The following LRMDA variants were observed in gnomAD, a reference collection of about 807,000 sequenced individuals.
The protein encoded by LRMDA is leucine rich melanocyte differentiation associated.
A neutral mutation model predicts 29.8 loss-of-function variants in LRMDA; 18 were observed. That is an observed-to-expected ratio of 0.60 (90% CI 0.42 to 0.90). The LOEUF (loss-of-function observed/expected upper bound fraction) is 0.90, where lower values mean the gene tolerates loss of function less well. LRMDA is among the 40% of genes least tolerant of loss of function. The pLI is 0.00. For missense variants in LRMDA, 273 were observed against 273.9 expected, an observed-to-expected ratio of 1.00 and a Z score of 0.02; for synonymous variants, 125 against 109.4, an observed-to-expected ratio of 1.14 and a Z score of -0.89.
At chr10:76,293,350 A>T (rs1282168197) in intron 5 of LRMDA, among the ~76,000 whole-genome samples, 3 of 152,198 alleles carry the variant, frequency 2.0e-5, no homozygotes, top group Non-Finnish European at 4.4e-5. Context: ...ATGTCTGTAA[A>T]ACGAGAGGGT....
chr10:75,944,155 T>G (rs1258535705), intron 2 of LRMDA, among the ~76,000 whole-genome samples: 2 of 152,194 alleles, frequency 1.3e-5, no homozygotes, highest in East Asian at 3.8e-4. Flanking sequence ...GTTGCCTTCA[T>G]TTTCGAAGAA....
intron 2 of LRMDA, among the ~76,000 whole-genome samples, chr10:75,895,831 C>T (rs188690646): frequency 2.9e-4 from 44 of 152,248 alleles, no homozygotes; most frequent in Middle Eastern, 6.8e-3. Context: ...ATTCTGATGG[C>T]CCTGCATGTA....
intron 6 of LRMDA, among the ~76,000 whole-genome samples, chr10:76,526,607 G>A (rs1009981484): frequency 6.6e-5 from 10 of 152,028 alleles, no homozygotes; most frequent in Admixed American, 6.6e-4. Context: ...AATGCATAGT[G>A]TCTCCTATGT....
intron 6 of LRMDA, among the ~76,000 whole-genome samples, chr10:76,336,639 A>G (rs1159174956): frequency 6.6e-6 from 1 of 152,096 alleles, no homozygotes; most frequent in African/African-American, 2.4e-5. Context: ...CAGAGGTCCC[A>G]ATTTAAATTG....
Position 75,461,376 on chromosome 10 carries a change from CT to C in LRMDA, c.131+22888del, listed in dbSNP as rs558971504. Among the ~76,000 whole-genome samples the C allele has an allele frequency of 3.5e-3, 529 of 152,086 alleles. 7 individuals are homozygous for C. Among genetic ancestry groups the C allele is most frequent in the African/African-American group, 0.012 (510 of 41,480 alleles). ...AGGGCTCCTCTTTAATGAAGGTCTTCTTTTTTCAGAGGTGGAAGGCAGGAAA... is the reference window on the plus strand; with the variant it reads ...AGGGCTCCTCTTTAATGAAGGTCTTCTTTTTCAGAGGTGGAAGGCAGGAAA... On this transcript the variant is annotated intron_variant, in intron 2 of 6. Coordinates refer to ENST00000611255, the MANE Select transcript of LRMDA (RefSeq NM_001305581.2).
At chr10:75,977,248 T>G (rs576417849) in intron 2 of LRMDA, among the ~76,000 whole-genome samples, 1 of 152,310 alleles carries the variant, frequency 6.6e-6, no homozygotes, top group African/African-American at 2.4e-5. Context: ...CCCAGCAATT[T>G]ACTCATAGCT....
intron 2 of LRMDA, among the ~76,000 whole-genome samples, chr10:75,936,592 G>A (rs1846298810): frequency 6.6e-6 from 1 of 152,172 alleles, no homozygotes; most frequent in Admixed American, 6.5e-5. Flanking sequence ...GTTATAAACA[G>A]CAGATACTTA....
At chr10:76,245,292 A>G (rs1242947339) in intron 5 of LRMDA, among the ~76,000 whole-genome samples, 1 of 152,160 alleles carries the variant, frequency 6.6e-6, no homozygotes, top group South Asian at 2.1e-4. Context: ...TCCTGTGTTA[A>G]TGACAGTTTT....
chr10:76,499,248 C>G lies in LRMDA; in HGVS notation c.602-57961C>G, dbSNP rs1404652453. On this transcript the variant is annotated intron_variant, in intron 6 of 6. Coordinates refer to ENST00000611255, the MANE Select transcript of LRMDA (RefSeq NM_001305581.2). ...GCCCTATATCATGAGCTGTCACTCT[C>G]CATTCCTCTTGAGCCCCCAACCCCT... Among the ~76,000 whole-genome samples the G allele has an allele frequency of 6.7e-5, 5 of 74,586 alleles. 2 individuals carry two copies. Among genetic ancestry groups the G allele is most frequent in the African/African-American group, 1.6e-4 (5 of 30,582 alleles). 48.9% of individuals were successfully genotyped at this position (74,586 alleles called of 152,430 possible). A position where few individuals can be genotyped will look rare whatever the true frequency, so the allele number is the denominator to read the frequency against.
chr10:76,537,768 C>T (rs548233207), intron 6 of LRMDA, among the ~76,000 whole-genome samples: 85 of 152,274 alleles, frequency 5.6e-4, no homozygotes, highest in African/African-American at 1.9e-3. Context: ...AACGTATTCA[C>T]AGGTTCCAGG....
intron 6 of LRMDA, among the ~76,000 whole-genome samples, chr10:76,430,998 CT>C (rs764184550): frequency 1.3e-5 from 2 of 152,168 alleles, no homozygotes; most frequent in Non-Finnish European, 2.9e-5. Flanking sequence ...TAGGAAGACT[CT>C]GATGATTTCA....
chr10:76,378,663 T>C (rs898717706), intron 6 of LRMDA, among the ~76,000 whole-genome samples: 4 of 152,152 alleles, frequency 2.6e-5, no homozygotes, highest in African/African-American at 9.7e-5. Context: ...TTTTTATTTG[T>C]GCTTATGTGG....
intron 6 of LRMDA, among the ~76,000 whole-genome samples, chr10:76,512,762 G>A (rs186213524): frequency 2.6e-4 from 39 of 152,198 alleles, no homozygotes; most frequent in Admixed American, 9.8e-4. Context: ...CTTGTATTAT[G>A]GGCCTTAATT....
intron 2 of LRMDA, among the ~76,000 whole-genome samples, chr10:75,750,041 C>G (rs1312558519): frequency 1.3e-5 from 2 of 152,246 alleles, no homozygotes; most frequent in African/African-American, 4.8e-5. Flanking sequence ...TACACAGACA[C>G]TGTAACAATC....
intron 5 of LRMDA, among the ~76,000 whole-genome samples, chr10:76,224,985 A>AT (rs1851924515): frequency 6.6e-6 from 1 of 152,058 alleles, no homozygotes; most frequent in African/African-American, 2.4e-5. Flanking sequence ...TTATGACTCC[A>AT]TCTTGAAGTA....
At chr10:76,164,903 C>T (rs566665460) in intron 5 of LRMDA, among the ~76,000 whole-genome samples, 8 of 152,190 alleles carry the variant, frequency 5.3e-5, no homozygotes, top group Non-Finnish European at 8.8e-5. Flanking sequence ...ACAAAGGGCA[C>T]GTGTATCAGT....
chr10:75,919,288 G>A (rs938382117), intron 2 of LRMDA, among the ~76,000 whole-genome samples: 1 of 152,218 alleles, frequency 6.6e-6, no homozygotes, highest in African/African-American at 2.4e-5. Context: ...TCTAGGGGTT[G>A]ACTAAGAAAC....
chr10:75,618,242 C>T (rs1841129257), intron 2 of LRMDA, among the ~76,000 whole-genome samples: 2 of 104,312 alleles, frequency 1.9e-5, no homozygotes, highest in African/African-American at 5.2e-5. Flanking sequence ...TACAAAATAA[C>T]ACTGTAAAAG....
chr10:76,517,236 T>C lies in LRMDA; in HGVS notation c.602-39973T>C, dbSNP rs184940444. ...TTCAAAATGATGAAAACCATGAAAATATATACGATACATATGGCAAAGCAT... is the reference window on the plus strand; with the variant it reads ...TTCAAAATGATGAAAACCATGAAAACATATACGATACATATGGCAAAGCAT... On this transcript the variant is annotated intron_variant, in intron 6 of 6. Transcript: ENST00000611255. Among the ~76,000 whole-genome samples, 6 of 152,090 alleles carry C rather than the reference T, an allele frequency of 3.9e-5. No homozygotes were observed. In the East Asian group the frequency reaches 9.7e-4, roughly 25 times the overall value.
Sources: gnomAD v4.1 joint callset for allele counts (sites outside exome capture counted in the v4.1 genomes callset) on GRCh38, gnomAD v4.1.1 for gene constraint, MANE v1.5 for transcripts, NCBI Gene and HGNC (gene_info 2026-07-23, HGNC 2026-07-21) for gene names.